Variants in SAMD4A observed in about 807,000 individuals in gnomAD.
The protein encoded by SAMD4A is sterile alpha motif domain containing 4A, also known as protein Smaug homolog 1.
A neutral mutation model predicts 81.3 loss-of-function variants in SAMD4A; 33 were observed. The observed-to-expected ratio is 0.41, with a 90% CI of 0.31 to 0.54. SAMD4A has a LOEUF of 0.54. SAMD4A is among the 20% of genes least tolerant of loss of function. SAMD4A has a pLI of 0.37. For missense variants in SAMD4A, 854 were observed against 951.1 expected (o/e 0.90, Z 1.34); for synonymous variants, 389 against 382.1 (o/e 1.02, Z -0.21).
At chr14:54,739,056 T>TTTC (rs1491107292) in intron 4 of SAMD4A, among the ~76,000 whole-genome samples, 2 of 9,912 alleles carry the variant, frequency 2.0e-4, no homozygotes, top group Non-Finnish European at 4.2e-4. Flanking sequence ...TTTCCTTTTC[T>TTTC]TTTTTTTTTT....
In SAMD4A at chr14:54,625,228, A is replaced by G. The variant is rs2034716451; in HGVS notation, c.196+57116A>G. ...GCTAATTCTATAAATATTTCTGTAGACTTCACTCCAGTGAGACATAATTTC... is the reference window on the plus strand; with the variant it reads ...GCTAATTCTATAAATATTTCTGTAGGCTTCACTCCAGTGAGACATAATTTC... On this transcript the variant is annotated intron_variant, in intron 2 of 12. Coordinates refer to ENST00000554335, the MANE Select transcript of SAMD4A (RefSeq NM_015589.6). Among the ~76,000 whole-genome samples the G allele has an allele frequency of 2.6e-5, 4 of 152,150 alleles. No individual in the cohort carries two copies. The South Asian group carries it at 8.3e-4, about 32-fold the overall frequency.
At chr14:54,764,331 C>G (rs1175885895) in intron 7 of SAMD4A, 124 bp from the exon 8 acceptor site, 2 of 693,146 alleles carry the variant, frequency 2.9e-6, no homozygotes, top group Middle Eastern at 2.8e-4. Flanking sequence ...TTTTTGTGAG[C>G]CTTACATAAA....
intron 2 of SAMD4A, among the ~76,000 whole-genome samples, chr14:54,667,781 A>C (rs1296459860): frequency 6.6e-6 from 1 of 152,176 alleles, no homozygotes; most frequent in Non-Finnish European, 1.5e-5. Flanking sequence ...GGTCCTGCTT[A>C]CTGAGTCTTT....
At chr14:54,719,218 TAAAG>T (rs531924446) in intron 3 of SAMD4A, among the ~76,000 whole-genome samples, 57 of 152,010 alleles carry the variant, frequency 3.7e-4, no homozygotes, top group Admixed American at 3.7e-3. Context: ...ATCTTCAACT[TAAAG>T]AACCCCACTG....
intron 11 of SAMD4A, among the ~76,000 whole-genome samples, chr14:54,780,842 T>G (rs1159839280): frequency 6.6e-6 from 1 of 152,118 alleles, no homozygotes. Context: ...CATGGTCAAC[T>G]CAGGGATGCT....
chr14:54,656,025 T>C (rs192854489), intron 2 of SAMD4A, among the ~76,000 whole-genome samples: 33 of 152,300 alleles, frequency 2.2e-4, no homozygotes, highest in African/African-American at 7.9e-4. Flanking sequence ...TAAATGGCAA[T>C]AAATATTAAA....
intron 2 of SAMD4A, among the ~76,000 whole-genome samples, chr14:54,584,775 A>G (rs1003939697): frequency 1.3e-5 from 2 of 152,196 alleles, no homozygotes; most frequent in Non-Finnish European, 2.9e-5. Flanking sequence ...GAAGCATTAA[A>G]TGGATGAAAT....
At chr14:54,739,241 G>A (rs957687587) in intron 4 of SAMD4A, among the ~76,000 whole-genome samples, 1 of 151,862 alleles carries the variant, frequency 6.6e-6, no homozygotes, top group Non-Finnish European at 1.5e-5. Context: ...CCAAAATATT[G>A]CAAAGGTTAA....
At chr14:54,705,961 G>A (rs2036841031) in intron 3 of SAMD4A, among the ~76,000 whole-genome samples, 1 of 152,184 alleles carries the variant, frequency 6.6e-6, no homozygotes, top group Non-Finnish European at 1.5e-5. Flanking sequence ...GCTGCCACAA[G>A]GCATATAGGA....
At chr14:54,783,709 T>G (rs897131337) in intron 11 of SAMD4A, among the ~76,000 whole-genome samples, 2 of 152,226 alleles carry the variant, frequency 1.3e-5, no homozygotes, top group East Asian at 1.9e-4. Flanking sequence ...TTGGCTAACT[T>G]TGATGAGTGA....
chr14:54,755,582 G>A (rs140975365), intron 6 of SAMD4A, among the ~76,000 whole-genome samples: 8 of 152,276 alleles, frequency 5.3e-5, no homozygotes, highest in East Asian at 1.9e-4. Context: ...GAAGTGTCAC[G>A]TACAATGGAG....
chr14:54,730,746 G>A (rs7143180), intron 3 of SAMD4A, among the ~76,000 whole-genome samples: 32,293 of 152,022 alleles, frequency 0.21, 3,979 homozygotes, highest in African/African-American at 0.33. Context: ...CACAAATCTG[G>A]TGTTATTTTT....
intron 2 of SAMD4A, among the ~76,000 whole-genome samples, chr14:54,655,677 G>A (rs1166626652): frequency 1.3e-5 from 2 of 152,226 alleles, no homozygotes; most frequent in Non-Finnish European, 2.9e-5. Context: ...GGTGGAGGTT[G>A]TGATGAGCCA....
intron 2 of SAMD4A, among the ~76,000 whole-genome samples, chr14:54,640,035 A>T (rs2035136157): frequency 6.6e-6 from 1 of 151,770 alleles, no homozygotes; most frequent in Non-Finnish European, 1.5e-5. Context: ...TAAAAAAAAA[A>T]ATAGCCTTGG....
At chr14:54,733,184 C>A (rs536150781) in intron 3 of SAMD4A, among the ~76,000 whole-genome samples, 2 of 152,122 alleles carry the variant, frequency 1.3e-5, no homozygotes, top group Non-Finnish European at 2.9e-5. Context: ...TCACACTGCC[C>A]GACTGCTGTA....
intron 2 of SAMD4A, among the ~76,000 whole-genome samples, chr14:54,609,179 A>G (rs1024296604): frequency 2.6e-5 from 4 of 152,196 alleles, no homozygotes; most frequent in South Asian, 2.1e-4. Context: ...AGTGGGCTCA[A>G]TGTAATCACA....
chr14:54,656,888 T>C (rs2035532545), intron 2 of SAMD4A, among the ~76,000 whole-genome samples: 1 of 152,186 alleles, frequency 6.6e-6, no homozygotes, highest in African/African-American at 2.4e-5. Flanking sequence ...ATTACAGGCG[T>C]GAGCCATGAA....
At chr14:54,637,673 A>T (rs1217016039) in intron 2 of SAMD4A, among the ~76,000 whole-genome samples, 2 of 152,162 alleles carry the variant, frequency 1.3e-5, no homozygotes, top group African/African-American at 4.8e-5. Flanking sequence ...AAAGGAAAGC[A>T]TCTTCTTCCA....
intron 3 of SAMD4A, among the ~76,000 whole-genome samples, chr14:54,708,875 T>C (rs1019383393): frequency 6.6e-6 from 1 of 152,086 alleles, no homozygotes; most frequent in East Asian, 1.9e-4. Context: ...TCCAAAGAGA[T>C]TGGAGGTAAG....
Sources: allele counts gnomAD v4.1 joint callset (sites outside exome capture counted in the v4.1 genomes callset), GRCh38; gene constraint gnomAD v4.1.1; transcripts MANE v1.5; gene names NCBI Gene and HGNC (gene_info 2026-07-23, HGNC 2026-07-21).